ZNF273: variants seen among roughly 807,000 people sequenced by gnomAD.
ZNF273 encodes zinc finger protein 9.
A neutral mutation model predicts 14.9 loss-of-function variants in ZNF273; 11 were observed. The observed-to-expected ratio is 0.74, with a 90% confidence interval of 0.46 to 1.22. The LOEUF is 1.22. ZNF273 is among the 50% of genes most tolerant of loss of function. ZNF273 has a pLI of 0.00. For synonymous variants in ZNF273, 199 were observed against 223.9 expected, an observed-to-expected ratio of 0.89 and a Z score of 0.99; for missense variants, 577 against 660.6, an observed-to-expected ratio of 0.87 and a Z score of 1.39.
At chr7:64,913,464 C>T (rs3813700) in intron 1 of ZNF273, among the ~76,000 whole-genome samples, 68,502 of 152,142 alleles carry the variant, frequency 0.45, 15,718 homozygotes, top group Admixed American at 0.51. Flanking sequence ...AGTGAGAACA[C>T]GGTGAACACA....
downstream of ZNF273, among the ~76,000 whole-genome samples, chr7:64,892,160 A>G (rs779678200): frequency 2.0e-5 from 3 of 152,162 alleles, no homozygotes; most frequent in Non-Finnish European, 2.9e-5. Context: ...ATTTAAACTT[A>G]TCATTTGGGA....
At chr7:64,916,542 CAAAAAAAA>C (rs10712527) in intron 1 of ZNF273, among the ~76,000 whole-genome samples, 2 of 84,378 alleles carry the variant, frequency 2.4e-5, no homozygotes, top group African/African-American at 1.0e-4. Context: ...AAAACTGTCT[CAAAAAAAA>C]AAAAAAAAAA....
At chr7:64,909,285 C>T (rs915639251) in intron 1 of ZNF273, among the ~76,000 whole-genome samples, 10 of 151,106 alleles carry the variant, frequency 6.6e-5, no homozygotes, top group Admixed American at 4.6e-4. Flanking sequence ...AGTGCAGTGG[C>T]ACGATATTGG....
exon 2 of ZNF273, chr7:64,888,731 C>T (rs916820427): frequency 1.9e-5 from 19 of 985,642 alleles, no homozygotes; most frequent in Non-Finnish European, 2.2e-5. Context: ...GGGAGAGTCC[C>T]GTTCACACCC....
chr7:64,883,751 G>C (rs1402406128), downstream of ZNF273, among the ~76,000 whole-genome samples: 1 of 152,188 alleles, frequency 6.6e-6, no homozygotes, highest in African/African-American at 2.4e-5. Context: ...GGCGTGATGT[G>C]TCCTGCACCC....
Position 64,928,686 on chromosome 7 carries a change from C to A in ZNF273, c.1358C>A (p.Thr453Asn), listed in dbSNP as rs773428901. 5 of 1,605,922 alleles carry A rather than the reference C, an allele frequency of 3.1e-6. No individual in the cohort carries two copies. The highest frequency in any genetic ancestry group is 4.3e-6 in the Non-Finnish European group (5 of 1,173,640). Residue 453 changes from threonine (T) to asparagine (N), a missense_variant, in exon 4 of 4, where the codon ACT becomes AAT. Physicochemically the swap from Thr to Asn is moderately conservative, Grantham distance 65. This residue lies in a region of ZNF273 where 411 missense variants were observed against 440.4 expected (regional missense o/e 0.93). Transcript: ENST00000476120. ...CTTACTAAACATAAGATAATTCATACTGGAGCAAAACCTTACAAATGTGAA... is the reference window on the plus strand; with the variant it reads ...CTTACTAAACATAAGATAATTCATAATGGAGCAAAACCTTACAAATGTGAA... ...STLTKHKIIH[T>N]GAKPYKCEEC... is the part of the protein sequence containing the mutation.
intron 1 of ZNF273, among the ~76,000 whole-genome samples, chr7:64,913,790 G>T (rs1793743267): frequency 6.6e-6 from 1 of 152,192 alleles, no homozygotes. Flanking sequence ...ACATTACATA[G>T]AGTTGGGTCA....
chr7:64,888,469 G>A, intron 1 of ZNF273: 1 of 985,818 alleles, frequency 1.0e-6, no homozygotes, highest in Non-Finnish European at 1.2e-6. Context: ...TCTCCAGGTG[G>A]CTTCCTCCTC....
At chr7:64,925,961 T>C (rs1794750211) in intron 3 of ZNF273, among the ~76,000 whole-genome samples, 1 of 152,240 alleles carries the variant, frequency 6.6e-6, no homozygotes, top group South Asian at 2.1e-4. Flanking sequence ...AGTTATGTAT[T>C]TTCATATGAT....
At chr7:64,927,151 G>T (rs559785927) in intron 3 of ZNF273, among the ~76,000 whole-genome samples, 1 of 152,256 alleles carries the variant, frequency 6.6e-6, no homozygotes, top group South Asian at 2.1e-4. Flanking sequence ...GAAGTCCAAT[G>T]GCGTAGTCTC....
At chr7:64,935,863 TA>T (rs146431381), downstream of ZNF273, among the ~76,000 whole-genome samples, 5,925 of 152,250 alleles carry the variant, frequency 0.039, 181 homozygotes, top group East Asian at 0.15. Context: ...AAGTAACAGT[TA>T]AAACATTTGA....
chr7:64,881,482 A>G (rs892256190), downstream of ZNF273, among the ~76,000 whole-genome samples: 1 of 152,250 alleles, frequency 6.6e-6, no homozygotes, highest in African/African-American at 2.4e-5. Flanking sequence ...TCCGCCAACA[A>G]GGAAGCTCTG....
At chr7:64,914,712 C>T (rs571177901) in intron 1 of ZNF273, among the ~76,000 whole-genome samples, 1 of 152,134 alleles carries the variant, frequency 6.6e-6, no homozygotes, top group African/African-American at 2.4e-5. Flanking sequence ...CTCATTGTTC[C>T]TGAATCTTTG....
intron 3 of ZNF273, among the ~76,000 whole-genome samples, chr7:64,924,801 A>G (rs1369048187): frequency 7.2e-6 from 1 of 138,308 alleles, no homozygotes; most frequent in African/African-American, 2.5e-5. Context: ...TGGATTTTTC[A>G]AATTTTTTTT....
chr7:64,886,932 G>C (rs1484845040), intron 1 of ZNF273, among the ~76,000 whole-genome samples: 1 of 152,184 alleles, frequency 6.6e-6, no homozygotes, highest in African/African-American at 2.4e-5. Context: ...GAAGTCTTCT[G>C]TCCATTTCTC....
In ZNF273 at chr7:64,927,800, G is replaced by A. The variant is rs1344892985; in HGVS notation, c.472G>A (p.Val158Met). 1 of 1,613,822 alleles carries A rather than the reference G, an allele frequency of 6.2e-7. No homozygotes were observed. The highest frequency in any genetic ancestry group is 1.3e-5 in the African/African-American group (1 of 74,914). ...KGCKSADEHK[V>M]HKRGYNGLNQ... ...CTGTAAAAGTGCGGATGAGCATAAG[G>A]TGCACAAAAGAGGTTATAATGGACT... Residue 158 changes from valine (V) to methionine (M), a missense_variant, in exon 4 of 4, where the codon GTG becomes ATG. Around this residue, in one of 3 missense-constraint regions of ZNF273, gnomAD observed 162 missense variants for 203.5 expected, o/e 0.80. Transcript: ENST00000476120.
intron 1 of ZNF273, chr7:64,888,191 C>G: frequency 1.5e-6 from 1 of 676,324 alleles, no homozygotes; most frequent in Non-Finnish European, 1.8e-6. Context: ...TCATTTCACC[C>G]CATTCCCTGA....
chr7:64,903,142 C>T (rs1792836884), upstream of ZNF273: 1 of 545,660 alleles, frequency 1.8e-6, no homozygotes, highest in Non-Finnish European at 3.3e-6. Flanking sequence ...CTGAGCACAC[C>T]TTCTGTCATT....
chr7:64,921,535 T>C (rs1220107135), intron 3 of ZNF273, among the ~76,000 whole-genome samples: 1 of 150,830 alleles, frequency 6.6e-6, no homozygotes, highest in African/African-American at 2.4e-5. Flanking sequence ...ATACATATAA[T>C]AGTTATGGAT....
Sources: gnomAD v4.1 joint callset for allele counts (sites outside exome capture counted in the v4.1 genomes callset) on GRCh38, gnomAD v4.1.1 for gene constraint, gnomAD v4.1.1 regional missense constraint, MANE v1.5 for transcripts, NCBI Gene and HGNC (gene_info 2026-07-23, HGNC 2026-07-21) for gene names.